Variants in CELF2 observed in about 807,000 individuals in gnomAD.
CELF2 encodes CUGBP Elav-like family member 2, also known as CUG triplet repeat RNA-binding protein 2.
CELF2 carries 8 observed loss-of-function variants against 62.6 expected under a neutral mutation model. The observed-to-expected ratio is 0.13, with a 90% CI of 0.07 to 0.23. The LOEUF (loss-of-function observed/expected upper bound fraction) is 0.23, where lower values mean the gene tolerates loss of function less well. Among genes scored for constraint, CELF2 ranks in the 10% least tolerant of loss-of-function variants. The pLI, the probability that CELF2 is intolerant of heterozygous loss-of-function variation, is 1.00. For missense variants in CELF2, 333 were observed against 671.0 expected (o/e 0.50, Z 5.56); for synonymous variants, 258 against 250.0 (o/e 1.03, Z -0.30).
chr10:10,766,535 G>T, the CELF2 span, among the ~76,000 whole-genome samples: 4 of 152,310 alleles, frequency 2.6e-5, no homozygotes, highest in South Asian at 8.3e-4. Flanking sequence ...TGTCTGAGTG[G>T]ACCCTGGGGA....
the CELF2 span, among the ~76,000 whole-genome samples, chr10:10,788,413 T>C: frequency 1.3e-5 from 2 of 151,048 alleles, no homozygotes; most frequent in African/African-American, 4.8e-5. Flanking sequence ...TGATTGAAAT[T>C]GTACCAATAA....
At chr10:11,067,447 G>A (rs1206893681) in intron 1 of CELF2, among the ~76,000 whole-genome samples, 1 of 152,204 alleles carries the variant, frequency 6.6e-6, no homozygotes, top group Non-Finnish European at 1.5e-5. Context: ...TTAATCCACT[G>A]GAGCTGACTT....
intron 1 of CELF2, among the ~76,000 whole-genome samples, chr10:11,107,572 T>C (rs1357561561): frequency 6.6e-6 from 1 of 152,064 alleles, no homozygotes; most frequent in Non-Finnish European, 1.5e-5. Flanking sequence ...GGGGATTGAA[T>C]ACTATGCTAT....
chr10:10,536,641 C>T, the CELF2 span, among the ~76,000 whole-genome samples: 4 of 152,186 alleles, frequency 2.6e-5, no homozygotes, highest in African/African-American at 9.7e-5. Context: ...AGTGTCCCAA[C>T]AGGTAACAGA....
chr10:10,875,274 C>T (rs575958566), intron 1 of CELF2, among the ~76,000 whole-genome samples: 15 of 152,266 alleles, frequency 9.9e-5, no homozygotes, highest in Non-Finnish European at 2.9e-5. Flanking sequence ...TAAAATCATT[C>T]TCTCTACATA....
intron 1 of CELF2, among the ~76,000 whole-genome samples, chr10:10,860,581 T>C (rs141821392): frequency 0.014 from 2,140 of 152,356 alleles, 30 homozygotes; most frequent in Middle Eastern, 0.054. Flanking sequence ...TTTTATACAA[T>C]GATACTTGGT....
chr10:10,731,114 C>A, the CELF2 span, among the ~76,000 whole-genome samples: 1 of 152,096 alleles, frequency 6.6e-6, no homozygotes, highest in Non-Finnish European at 1.5e-5. Context: ...AATCACCATC[C>A]CTTTCCCAAA....
chr10:10,834,210 C>G (rs1202951988), intron 1 of CELF2, among the ~76,000 whole-genome samples: 1 of 152,140 alleles, frequency 6.6e-6, no homozygotes, highest in Non-Finnish European at 1.5e-5. Context: ...AACTCAGGAA[C>G]AGAAAACCAA....
the CELF2 span, among the ~76,000 whole-genome samples, chr10:10,691,853 T>C: frequency 6.7e-6 from 1 of 148,840 alleles, no homozygotes; most frequent in Non-Finnish European, 1.5e-5. Flanking sequence ...TTGATGGGGT[T>C]GTTTGTTTTT....
At chr10:10,743,537 C>G in the CELF2 span, among the ~76,000 whole-genome samples, 1 of 152,212 alleles carries the variant, frequency 6.6e-6, no homozygotes, top group Non-Finnish European at 1.5e-5. Flanking sequence ...AGGATTCCCT[C>G]ACTGATAGGC....
At position 11,296,273 on chromosome 10, in the gene CELF2, T is replaced by G. The variant is rs2093173040; in HGVS notation, c.976+7721T>G. Among the ~76,000 whole-genome samples the G allele has an allele frequency of 6.6e-6, 1 of 152,216 alleles. No homozygotes were observed. Among genetic ancestry groups the G allele is most frequent in the Non-Finnish European group, 1.5e-5 (1 of 68,036 alleles). ...CTGTTGGTGGCGCTGGACTCTGTGC[T>G]AAGTGTGATTTGTTTTTAAATATTG... is the stretch of plus-strand genomic sequence containing the variant. On this transcript the variant is annotated intron_variant, in intron 9 of 12. Coordinates refer to ENST00000633077, the MANE Select transcript of CELF2 (RefSeq NM_001326342.2). The surrounding 1 kb of genome is among the most constrained non-coding windows in gnomAD (Gnocchi z 5.0).
chr10:10,986,188 A>G (rs1029422307), intron 2 of CELF2, among the ~76,000 whole-genome samples: 1 of 152,232 alleles, frequency 6.6e-6, no homozygotes, highest in South Asian at 2.1e-4. Context: ...TTTATAAAAA[A>G]AAAAGGTATA....
At chr10:10,780,563 C>T in the CELF2 span, among the ~76,000 whole-genome samples, 641 of 152,284 alleles carry the variant, frequency 4.2e-3, 5 homozygotes, top group African/African-American at 0.015. Context: ...TCACTGCAAC[C>T]TCTGCCTCCT....
At chr10:10,986,190 A>G (rs1278510845) in intron 2 of CELF2, among the ~76,000 whole-genome samples, 1 of 152,236 alleles carries the variant, frequency 6.6e-6, no homozygotes, top group Non-Finnish European at 1.5e-5. Flanking sequence ...TATAAAAAAA[A>G]AAGGTATATT....
the CELF2 span, among the ~76,000 whole-genome samples, chr10:10,601,799 G>A: frequency 2.0e-5 from 3 of 151,012 alleles, no homozygotes; most frequent in African/African-American, 7.3e-5. Context: ...AGTTCAACGT[G>A]TGCCATGGTA....
chr10:11,075,903 TCA>T lies in CELF2; in HGVS notation c.74+57741_74+57742del. The stretch of plus-strand genomic sequence containing the variant: ...TTAATAAACTGCCAACATCAGTATC[TCA>T]GAATGAGTGAAACAAAAAGCTTTCC... On this transcript the variant is annotated intron_variant, in intron 1 of 12. Coordinates refer to ENST00000633077, the MANE Select transcript of CELF2 (RefSeq NM_001326342.2). The surrounding 1 kb of genome is among the most constrained non-coding windows in gnomAD (Gnocchi z 5.4). 6.6e-6 allele frequency among the ~76,000 whole-genome samples: 1 copy of T among 152,146 alleles called. No homozygotes were observed. The highest frequency in any genetic ancestry group is 2.4e-5 in the African/African-American group (1 of 41,436).
At chr10:10,475,949 C>T in the CELF2 span, among the ~76,000 whole-genome samples, 1 of 151,874 alleles carries the variant, frequency 6.6e-6, no homozygotes, top group Non-Finnish European at 1.5e-5. Context: ...ATTTTGTATA[C>T]CATCACTTCT....
chr10:10,485,757 G>A, the CELF2 span, among the ~76,000 whole-genome samples: 1 of 152,154 alleles, frequency 6.6e-6, no homozygotes, highest in Admixed American at 6.5e-5. Flanking sequence ...ATTGTCACTG[G>A]ATTTAACTGT....
chr10:10,560,911 C>G, the CELF2 span, among the ~76,000 whole-genome samples: 1 of 151,682 alleles, frequency 6.6e-6, no homozygotes, highest in Non-Finnish European at 1.5e-5. Flanking sequence ...GGAAGTAACT[C>G]AGCAATGGAA....
Sources: gnomAD v4.1 joint callset for allele counts (sites outside exome capture counted in the v4.1 genomes callset) on GRCh38, gnomAD v4.1.1 for gene constraint, Gnocchi (gnomAD v3.1) non-coding constraint, MANE v1.5 for transcripts, NCBI Gene and HGNC (gene_info 2026-07-23, HGNC 2026-07-21) for gene names.